Variants in SLC25A40 observed in about 807,000 individuals in gnomAD.
SLC25A40 encodes mitochondrial glutathione transporter SLC25A40.
Under a neutral mutation model 46.5 loss-of-function variants are expected in SLC25A40, and 41 were observed. That is an observed-to-expected ratio of 0.88 (90% CI 0.69 to 1.14). SLC25A40 has a LOEUF of 1.14. Ranked by LOEUF, SLC25A40 falls within the 50% of genes most tolerant of loss-of-function variation. The pLI, the probability that SLC25A40 is intolerant of heterozygous loss-of-function variation, is 0.00. For missense variants in SLC25A40, 386 were observed against 393.6 expected (o/e 0.98, Z 0.16); for synonymous variants, 126 against 127.5 (o/e 0.99, Z 0.08).
At position 87,844,972 on chromosome 7, in the gene SLC25A40, A is replaced by C. The variant is rs189155630; in HGVS notation, c.632-1109T>G. On this transcript the variant is annotated intron_variant, in intron 8 of 11. Transcript: ENST00000341119. Reference sequence around the variant, plus strand: ...GTGACATCAAGATTTTTCTTAGCCAAGCATGGTGGCACACGGCTTTGGTCC... The same window carrying C: ...GTGACATCAAGATTTTTCTTAGCCACGCATGGTGGCACACGGCTTTGGTCC... Among the ~76,000 whole-genome samples the C allele has an allele frequency of 3.5e-3, 531 of 152,228 alleles. 4 individuals are homozygous for C. Among genetic ancestry groups the C allele is most frequent in the Non-Finnish European group, 5.5e-3 (374 of 68,020 alleles).
chr7:87,846,935 A>C lies in SLC25A40; in HGVS notation c.631+14T>G. ...CATGTAAAATTTAGTAGCTACAAAT[A>C]AGATAAATCCTACCTGAGAAAGGTA... On this transcript the variant is annotated intron_variant, in intron 8 of 11. Coordinates refer to ENST00000341119, the MANE Select transcript of SLC25A40 (RefSeq NM_018843.4). The C allele has an allele frequency of 6.3e-7, 1 of 1,576,598 alleles. No homozygotes were observed. The highest frequency in any genetic ancestry group is 8.6e-7 in the Non-Finnish European group (1 of 1,164,046).
intron 3 of SLC25A40, among the ~76,000 whole-genome samples, chr7:87,857,307 T>A (rs1838629748): frequency 6.6e-6 from 1 of 152,234 alleles, no homozygotes; most frequent in Non-Finnish European, 1.5e-5. Flanking sequence ...CAGAAAAGTT[T>A]AATGTTGATA....
At chr7:87,855,067 T>C (rs1305897950) in intron 4 of SLC25A40, among the ~76,000 whole-genome samples, 2 of 145,196 alleles carry the variant, frequency 1.4e-5, no homozygotes, top group African/African-American at 2.6e-5. Context: ...GAGGCTGAAG[T>C]GGGAAGATCA....
intron 1 of SLC25A40, among the ~76,000 whole-genome samples, chr7:87,864,823 T>C (rs1838763102): frequency 6.6e-6 from 1 of 152,220 alleles, no homozygotes; most frequent in African/African-American, 2.4e-5. Context: ...TTAGTACTAA[T>C]AATAACTTAC....
chr7:87,854,366 T>C (rs962173202), intron 4 of SLC25A40, 56 bp from the exon 5 acceptor site: 1 of 1,022,434 alleles, frequency 9.8e-7, no homozygotes, highest in Admixed American at 2.3e-5. Context: ...TTATTATTTT[T>C]ACAGATGAAC....
intron 1 of SLC25A40, among the ~76,000 whole-genome samples, chr7:87,870,881 C>T (rs958991335): frequency 7.9e-5 from 12 of 152,068 alleles, no homozygotes; most frequent in East Asian, 1.9e-4. Context: ...CCTGGATGCC[C>T]GACAAGAACT....
chr7:87,840,961 A>G (rs1478921208), intron 10 of SLC25A40, among the ~76,000 whole-genome samples: 1 of 151,770 alleles, frequency 6.6e-6, no homozygotes, highest in Admixed American at 6.6e-5. Flanking sequence ...TTTGTAATAG[A>G]TAATTTCCCA....
intron 9 of SLC25A40, among the ~76,000 whole-genome samples, 170 bp downstream of exon 9, chr7:87,843,584 T>A (rs1475917869): frequency 6.6e-6 from 1 of 152,102 alleles, no homozygotes; most frequent in Non-Finnish European, 1.5e-5. Flanking sequence ...ATATTTAAAT[T>A]ATTTTATTTG....
chr7:87,861,612 T>A (rs1474839476), intron 1 of SLC25A40, among the ~76,000 whole-genome samples: 5 of 152,196 alleles, frequency 3.3e-5, no homozygotes, highest in Non-Finnish European at 1.5e-5. Flanking sequence ...CTGAAACTTA[T>A]GTAGAATCTT....
intron 2 of SLC25A40, among the ~76,000 whole-genome samples, chr7:87,859,448 A>T (rs368887144): frequency 2.4e-4 from 36 of 152,248 alleles, no homozygotes; most frequent in Non-Finnish European, 3.7e-4. Flanking sequence ...TCTCAAAAAA[A>T]AATAATAATA....
chr7:87,842,847 T>G (rs1014449120), intron 9 of SLC25A40, among the ~76,000 whole-genome samples: 1 of 152,068 alleles, frequency 6.6e-6, no homozygotes, highest in Admixed American at 6.6e-5. Flanking sequence ...ATAGAGGACT[T>G]TCCTTCATAT....
Position 87,835,126 on chromosome 7 carries a change from A to G in SLC25A40, c.*1123T>C, listed in dbSNP as rs1260140078. On this transcript the variant is annotated 3_prime_UTR_variant, in exon 12 of 12. Transcript: ENST00000341119. ...TATAGGATATAGATCCTAAGAAAATAAAACTAAAGTATAAAAAATGAATAG... is the reference window on the plus strand; with the variant it reads ...TATAGGATATAGATCCTAAGAAAATGAAACTAAAGTATAAAAAATGAATAG... 2.6e-5 allele frequency: 4 copies of G among 151,518 alleles called. No individual in the cohort carries two copies. The highest frequency in any genetic ancestry group is 4.4e-5 in the Non-Finnish European group (3 of 67,602). 9.4% of individuals were successfully genotyped at this position (151,518 alleles called of 1,614,324 possible).
At position 87,856,341 on chromosome 7, in the gene SLC25A40, C is replaced by T. The variant is rs372826426; in HGVS notation, c.108G>A (p.Leu36=). ...CTTGGAGTCTAATTTTAACAACATC[C>T]AGGGGTGTCACTATGAAGATATGTT... ...AILTSVIVTP[L]DVVKIRLQAQ... Residue 36 remains leucine, a synonymous_variant, in exon 4 of 12, where the codon CTG becomes CTA. Coordinates refer to ENST00000341119, the MANE Select transcript of SLC25A40 (RefSeq NM_018843.4). 9.9e-6 allele frequency: 16 copies of T among 1,613,116 alleles called. No homozygotes were observed. Among genetic ancestry groups the T allele is most frequent in the Non-Finnish European group, 1.3e-5 (15 of 1,179,362 alleles).
intron 5 of SLC25A40, 53 bp downstream of exon 5, chr7:87,854,149 CAT>C: frequency 8.5e-7 from 1 of 1,174,580 alleles, no homozygotes; most frequent in South Asian, 1.2e-5. Flanking sequence ...AAATATTTCA[CAT>C]ATAAGATTAA....
In SLC25A40 at chr7:87,835,828, T is replaced by C. The variant is rs1332051779; in HGVS notation, c.*421A>G. On this transcript the variant is annotated 3_prime_UTR_variant, in exon 12 of 12. Transcript: ENST00000341119. ...TATCTACTTTACTGAAATACGGAAA[T>C]ACTTATGTACACGATTTAAATGTGC... 6 of 153,270 alleles carry C rather than the reference T, an allele frequency of 3.9e-5. No individual in the cohort carries two copies. Among genetic ancestry groups the C allele is most frequent in the African/African-American group, 1.4e-4 (6 of 41,408 alleles). The allele number at this position is 153,270 out of a possible 1,614,324, so 9.5% of individuals were successfully genotyped here.
chr7:87,868,466 T>C (rs1025296727), intron 1 of SLC25A40, among the ~76,000 whole-genome samples: 2 of 152,050 alleles, frequency 1.3e-5, no homozygotes, highest in Non-Finnish European at 2.9e-5. Flanking sequence ...GGTTGAGGGC[T>C]GTCTCCAAGA....
At position 87,836,093 on chromosome 7, in the gene SLC25A40, A is replaced by C; in HGVS notation, c.*156T>G. ...CAAAAATAAGATAAAATTTATTTTA[A>C]AATTATGATTTAGAGGTAGAGCTGA... On this transcript the variant is annotated 3_prime_UTR_variant, in exon 12 of 12. Transcript: ENST00000341119. 2.1e-6 allele frequency: 1 copy of C among 486,716 alleles called. No individual in the cohort carries two copies. 30.1% of individuals were successfully genotyped at this position (486,716 alleles called of 1,614,324 possible).
chr7:87,867,547 T>C (rs992537122), intron 1 of SLC25A40, among the ~76,000 whole-genome samples: 1 of 152,230 alleles, frequency 6.6e-6, no homozygotes, highest in South Asian at 2.1e-4. Context: ...TTTAAATCCT[T>C]GGTTGGAGAG....
At chr7:87,843,671 A>G (rs1838368723) in intron 9 of SLC25A40, 83 bp downstream of exon 9, 1 of 1,005,208 alleles carries the variant, frequency 9.9e-7, no homozygotes. Context: ...GTGGATCTCA[A>G]TATACATGAG....
Sources: allele counts gnomAD v4.1 joint callset (sites outside exome capture counted in the v4.1 genomes callset), GRCh38; gene constraint gnomAD v4.1.1; transcripts MANE v1.5; gene names NCBI Gene and HGNC (gene_info 2026-07-23, HGNC 2026-07-21).